CROT: variants seen among roughly 807,000 people sequenced by gnomAD.
The protein encoded by CROT is carnitine O-octanoyltransferase.
A neutral mutation model predicts 89.2 loss-of-function variants in CROT; 84 were observed. The ratio of observed to expected loss-of-function variants is 0.94; its 90% CI spans 0.79 to 1.13. The LOEUF is 1.13. Among genes scored for constraint, CROT ranks in the 50% most tolerant of loss-of-function variants. The pLI, the probability that CROT is intolerant of heterozygous loss-of-function variation, is 0.00. For synonymous variants in CROT, 212 were observed against 239.5 expected (o/e 0.89, Z 1.06); for missense variants, 711 against 727.8 (o/e 0.98, Z 0.27).
chr7:87,345,951 C>T lies in CROT; in HGVS notation c.-113+184C>T, dbSNP rs553687140. Among the ~76,000 whole-genome samples the T allele has an allele frequency of 1.9e-3, 287 of 152,290 alleles. 2 individuals are homozygous for T. The highest frequency in any genetic ancestry group is 6.4e-3 in the African/African-American group (265 of 41,550). ...GCCGCGGGGCTGCTCCGTTGTAGTG[C>T]TTAGATTTCTCTCACTTGATGGCCT... On this transcript the variant is annotated intron_variant, in intron 1 of 17. Coordinates refer to ENST00000331536, the MANE Select transcript of CROT (RefSeq NM_021151.4).
chr7:87,377,543 T>A, intron 10 of CROT, 93 bp downstream of exon 10: 1 of 713,576 alleles, frequency 1.4e-6, no homozygotes, highest in Non-Finnish European at 2.4e-6. Flanking sequence ...ACAGTGTAAG[T>A]GAATAGTAAT....
At chr7:87,387,459 A>G (rs1456046450) in intron 13 of CROT, among the ~76,000 whole-genome samples, 2 of 151,274 alleles carry the variant, frequency 1.3e-5, no homozygotes, top group African/African-American at 2.4e-5. Flanking sequence ...AACATGAGCT[A>G]TACTTTTTTT....
At chr7:87,398,331 A>G in intron 17 of CROT, 193 bp from the exon 18 acceptor site, 2 of 712,608 alleles carry the variant, frequency 2.8e-6, no homozygotes, top group Non-Finnish European at 5.0e-6. Flanking sequence ...TAGTCATCTA[A>G]TGAATGAGGT....
At position 87,399,768 on chromosome 7, in the gene CROT, G is replaced by C. The variant is rs1237798999; in HGVS notation, c.*1124G>C. ...TCAAAATTATATAGCTTTTTGTTTT[G>C]TTTGAATAAATGATTCATTCCTGTT... On this transcript the variant is annotated 3_prime_UTR_variant, in exon 18 of 18. Coordinates refer to ENST00000331536, the MANE Select transcript of CROT (RefSeq NM_021151.4). 6.6e-6 allele frequency: 1 copy of C among 151,972 alleles called. No homozygotes were observed. The highest frequency in any genetic ancestry group is 1.9e-4 in the East Asian group (1 of 5,194). 9.4% of individuals were successfully genotyped at this position (151,972 alleles called of 1,614,324 possible).
At position 87,397,885 on chromosome 7, in the gene CROT, C is replaced by T. The variant is rs551188964; in HGVS notation, c.1719-639C>T. On this transcript the variant is annotated intron_variant, in intron 17 of 17. Coordinates refer to ENST00000331536, the MANE Select transcript of CROT (RefSeq NM_021151.4). ...TTAATTTTGAGCCTAATTCATATTT[C>T]GCTATAGAAACTTCTGTCTGTAAAG... is the stretch of plus-strand genomic sequence containing the variant. Among the ~76,000 whole-genome samples the T allele has an allele frequency of 3.3e-5, 5 of 152,238 alleles. No homozygotes were observed. The East Asian group carries it at 7.7e-4, about 23-fold the overall frequency.
intron 13 of CROT, among the ~76,000 whole-genome samples, chr7:87,390,888 TATTTTGTGGGTCAGTAATTTTATATCACA>T (rs1193220523): frequency 6.6e-6 from 1 of 152,174 alleles, no homozygotes; most frequent in Non-Finnish European, 1.5e-5. Context: ...TTATATCACA[TATTTTGTGGGTCAGTAATTTTATATCACA>T]ATTTTGTGGG....
At chr7:87,357,589 A>G (rs748579324) in intron 3 of CROT, 1 of 1,166,038 alleles carries the variant, frequency 8.6e-7, no homozygotes, top group South Asian at 1.3e-5. Flanking sequence ...AAGGAATTCA[A>G]GGTGAGTTGC....
chr7:87,398,918 C>G lies in CROT; in HGVS notation c.*274C>G. On this transcript the variant is annotated 3_prime_UTR_variant, in exon 18 of 18. Transcript: ENST00000331536. ...ATGCAGTATTTAAGCCTCAACAATC[C>G]AAATCTACAAACTTTAACAATGCAA... 3.1e-6 allele frequency: 1 copy of G among 319,438 alleles called. No individual in the cohort carries two copies. Among genetic ancestry groups the G allele is most frequent in the Non-Finnish European group, 5.7e-6 (1 of 174,436 alleles). 19.8% of individuals were successfully genotyped at this position (319,438 alleles called of 1,614,324 possible).
rs1310099173 is a variant in CROT at position 87,345,697 on chromosome 7, G to C, written c.-183G>C. ...TCCCGCACCTTTGAGGCCCAAGGGG[G>C]AGCGAGCCGGTGCTGCTGCAGGCTG... On this transcript the variant is annotated 5_prime_UTR_variant, in exon 1 of 18. Coordinates refer to ENST00000331536, the MANE Select transcript of CROT (RefSeq NM_021151.4). The C allele has an allele frequency of 5.4e-6, 2 of 371,698 alleles. No individual in the cohort carries two copies. Among genetic ancestry groups the C allele is most frequent in the Non-Finnish European group, 9.5e-6 (2 of 209,608 alleles). The allele number at this position is 371,698 out of a possible 1,614,324, so 23.0% of individuals were successfully genotyped here. A position where few individuals can be genotyped will look rare whatever the true frequency, so the allele number is the denominator to read the frequency against.
At position 87,382,544 on chromosome 7, in the gene CROT, G is replaced by A. The variant is rs781518583; in HGVS notation, c.1301+1G>A. The A allele has an allele frequency of 1.9e-6, 3 of 1,609,054 alleles. No homozygotes were observed. In the Admixed American group the frequency reaches 5.1e-5, roughly 27 times the overall value. Reference sequence around the variant, plus strand: ...TGGCCTATTACAGACTTCATGGACAGTAAGGACCATTCAGTTTCTATTTTC... The same window carrying A: ...TGGCCTATTACAGACTTCATGGACAATAAGGACCATTCAGTTTCTATTTTC... On this transcript the variant is annotated splice_donor_variant, in intron 13 of 17. Transcript: ENST00000331536. LOFTEE classifies it high-confidence loss of function.
intron 6 of CROT, among the ~76,000 whole-genome samples, chr7:87,362,150 A>C (rs1434839997): frequency 6.6e-6 from 1 of 152,200 alleles, no homozygotes; most frequent in East Asian, 1.9e-4. Flanking sequence ...AACATGAAAC[A>C]TATGATCTGG....
At chr7:87,346,516 C>T (rs1179805317) in intron 2 of CROT, 86 bp downstream of exon 2, 1 of 152,174 alleles carries the variant, frequency 6.6e-6, no homozygotes, top group East Asian at 1.9e-4. Flanking sequence ...AAAGTCAATT[C>T]TAATTAAATC....
chr7:87,350,851 C>G (rs1008637409), intron 3 of CROT, among the ~76,000 whole-genome samples: 3 of 152,134 alleles, frequency 2.0e-5, no homozygotes, highest in African/African-American at 7.2e-5. Context: ...TACCTGTCAC[C>G]TGAATTTGGG....
At position 87,361,742 on chromosome 7, in the gene CROT, T is replaced by G. The variant is rs768128333; in HGVS notation, c.437T>G (p.Val146Gly). 6 of 1,583,950 alleles carry G rather than the reference T, an allele frequency of 3.8e-6. 1 individual carries two copies. In the Admixed American group the frequency reaches 1.2e-4, roughly 31 times the overall value. ...TTTTTTAATAGAGAAAAAGTGCCTG[T>G]TCATAAAGTTGGAAATACTCCTCTA... ...WQLLRKEKVPVHKVGNTPLDM... is the reference protein window; with the variant it reads ...WQLLRKEKVPGHKVGNTPLDM... Residue 146 changes from valine (V) to glycine (G), a missense_variant, in exon 6 of 18, where the codon GTT becomes GGT. Val to Gly is a moderately radical substitution (Grantham distance 109). Coordinates refer to ENST00000331536, the MANE Select transcript of CROT (RefSeq NM_021151.4).
In CROT at chr7:87,392,643, AG is replaced by A. The variant is rs763008761; in HGVS notation, c.1504+1del. On this transcript the variant is annotated frameshift_variant and splice_region_variant, in exon 15 of 18. Coordinates refer to ENST00000331536, the MANE Select transcript of CROT (RefSeq NM_021151.4). LOFTEE classifies it high-confidence loss of function. ...KMMKDCSAGK[G>X]FDRHLLGLLL... Reference sequence around the variant, plus strand: ...TGATGAAAGATTGTTCAGCTGGAAAAGGTACTTAAGTTAAAATTTTTCTGAC... The same window carrying A: ...TGATGAAAGATTGTTCAGCTGGAAAAGTACTTAAGTTAAAATTTTTCTGAC... The A allele has an allele frequency of 2.0e-5, 33 of 1,612,600 alleles. No individual in the cohort carries two copies. The South Asian group carries it at 3.4e-4, about 17-fold the overall frequency.
intron 9 of CROT, 55 bp downstream of exon 9, chr7:87,376,008 T>C (rs1179574990): frequency 6.7e-7 from 1 of 1,487,706 alleles, no homozygotes; most frequent in Non-Finnish European, 9.0e-7. Context: ...GGAAGACTCA[T>C]ATTTATTGAA....
At chr7:87,357,097 G>A (rs1330088737) in intron 3 of CROT, among the ~76,000 whole-genome samples, 13 of 152,158 alleles carry the variant, frequency 8.5e-5, no homozygotes, top group Admixed American at 7.9e-4. Flanking sequence ...CAAAGCAAAC[G>A]AAAAGGTGAC....
intron 6 of CROT, among the ~76,000 whole-genome samples, chr7:87,368,039 C>A (rs191007113): frequency 1.3e-3 from 201 of 152,254 alleles, no homozygotes; most frequent in Non-Finnish European, 2.1e-3. Context: ...CTTTCTGAGG[C>A]CAGTATAATC....
At chr7:87,348,883 T>C (rs892673445) in intron 2 of CROT, among the ~76,000 whole-genome samples, 165 bp from the exon 3 acceptor site, 2 of 152,226 alleles carry the variant, frequency 1.3e-5, no homozygotes, top group Admixed American at 6.5e-5. Flanking sequence ...CTTTTTAAGT[T>C]GGTTTTCTCT....
Sources: allele counts gnomAD v4.1 joint callset (sites outside exome capture counted in the v4.1 genomes callset), GRCh38; gene constraint gnomAD v4.1.1; transcripts MANE v1.5; gene names NCBI Gene and HGNC (gene_info 2026-07-23, HGNC 2026-07-21).